Variants in FGF12 observed in about 807,000 individuals in gnomAD.
FGF12 encodes the protein fibroblast growth factor 12.
Under a neutral mutation model 23.6 loss-of-function variants are expected in FGF12, and 14 were observed. The observed-to-expected ratio is 0.59, with a 90% CI of 0.39 to 0.93. The LOEUF (loss-of-function observed/expected upper bound fraction) is 0.93, where lower values mean the gene tolerates loss of function less well. FGF12 is among the 40% of genes least tolerant of loss of function. The probability of loss-of-function intolerance (pLI) is 0.00; values close to 1 mark genes in which losing one functional copy is unlikely to be tolerated. For synonymous variants in FGF12, 62 were observed against 77.3 expected, an observed-to-expected ratio of 0.80 and a Z score of 1.04; for missense variants, 175 against 217.8, an observed-to-expected ratio of 0.80 and a Z score of 1.24.
intron 4 of FGF12, among the ~76,000 whole-genome samples, chr3:192,277,537 T>C (rs1451425276): frequency 1.3e-5 from 2 of 152,200 alleles, no homozygotes; most frequent in African/African-American, 4.8e-5. Flanking sequence ...ATGAAGTTTT[T>C]GGTCCACAAG....
chr3:192,139,801 A>C lies in FGF12; in HGVS notation c.*4208T>G, dbSNP rs974554737. The C allele has an allele frequency of 2.6e-5, 4 of 152,070 alleles. No homozygotes were observed. Among genetic ancestry groups the C allele is most frequent in the Non-Finnish European group, 4.4e-5 (3 of 67,964 alleles). The allele number at this position is 152,070 out of a possible 1,614,324, so 9.4% of individuals were successfully genotyped here. On this transcript the variant is annotated 3_prime_UTR_variant, in exon 6 of 6. Coordinates refer to ENST00000445105, the MANE Select transcript of FGF12 (RefSeq NM_004113.6). The stretch of plus-strand genomic sequence containing the variant: ...TCACTTAACTTAGATTTAAGTATTG[A>C]ATTTTTAACTTGGGCTCCAGGAAAA...
At chr3:192,663,761 T>C (rs893261514) in intron 2 of FGF12, among the ~76,000 whole-genome samples, 5 of 151,894 alleles carry the variant, frequency 3.3e-5, no homozygotes, top group Admixed American at 6.6e-5. Flanking sequence ...GCAATCAATA[T>C]ATATTTTTGG....
In FGF12 at chr3:192,360,728, C is replaced by G; in HGVS notation, c.14-190G>C. ...TTTCCATTTAGAGGTAGAGCTTTAA[C>G]ACTTTTAGCAGTAAACTAAATGCAA... On this transcript the variant is annotated intron_variant, in intron 2 of 5. Transcript: ENST00000445105. The surrounding 1 kb of genome is among the most constrained non-coding windows in gnomAD (Gnocchi z 4.3). 2 of 584,078 alleles carry G rather than the reference C, an allele frequency of 3.4e-6. No individual in the cohort carries two copies. The highest frequency in any genetic ancestry group is 4.3e-5 in the South Asian group (2 of 46,442). 36.2% of individuals were successfully genotyped at this position (584,078 alleles called of 1,614,324 possible).
chr3:192,608,384 G>A (rs963129291), intron 2 of FGF12, among the ~76,000 whole-genome samples: 6 of 152,084 alleles, frequency 3.9e-5, no homozygotes, highest in Admixed American at 1.3e-4. Context: ...ATTATGCATT[G>A]CATGCCTGTA....
chr3:192,727,536 T>C lies in FGF12; in HGVS notation c.-183A>G, dbSNP rs1577144823. 1 of 478,448 alleles carries C rather than the reference T, an allele frequency of 2.1e-6. No homozygotes were observed. The highest frequency in any genetic ancestry group is 2.0e-5 in the African/African-American group (1 of 49,986). The allele number at this position is 478,448 out of a possible 1,614,324, so 29.6% of individuals were successfully genotyped here. ...TGTCCTCCGAGCGTGGTGCTGCAGG[T>C]GTAGTGACAGATCATCCCACTTTGC... On this transcript the variant is annotated 5_prime_UTR_variant, in exon 1 of 6. Coordinates refer to ENST00000445105, the MANE Select transcript of FGF12 (RefSeq NM_004113.6).
chr3:192,602,012 T>C (rs1714133971), intron 2 of FGF12, among the ~76,000 whole-genome samples: 1 of 152,146 alleles, frequency 6.6e-6, no homozygotes, highest in African/African-American at 2.4e-5. Context: ...TGTTAGTTAC[T>C]ATAAAGGTGG....
chr3:192,494,561 A>G (rs1723890867), intron 2 of FGF12, among the ~76,000 whole-genome samples: 1 of 152,150 alleles, frequency 6.6e-6, no homozygotes, highest in Non-Finnish European at 1.5e-5. Context: ...CCTGGTCATT[A>G]TCCCCTAGAT....
intron 2 of FGF12, among the ~76,000 whole-genome samples, chr3:192,429,602 C>T (rs1395482891): frequency 1.3e-5 from 2 of 152,052 alleles, no homozygotes; most frequent in African/African-American, 4.8e-5. Flanking sequence ...AAGTGTACTT[C>T]GTGATGGCTG....
At chr3:192,405,461 G>C (rs1311341102) in intron 2 of FGF12, among the ~76,000 whole-genome samples, 2 of 151,102 alleles carry the variant, frequency 1.3e-5, no homozygotes, top group Admixed American at 6.6e-5. Context: ...AGAAAGTCTG[G>C]TCAATGGAAC....
At chr3:192,206,092 AG>A (rs1371891544) in intron 4 of FGF12, among the ~76,000 whole-genome samples, 4 of 152,222 alleles carry the variant, frequency 2.6e-5, no homozygotes, top group Non-Finnish European at 5.9e-5. Flanking sequence ...CTGAAGCTTT[AG>A]CAGCAGACAG....
At chr3:192,480,792 A>C (rs938592929) in intron 2 of FGF12, among the ~76,000 whole-genome samples, 1 of 152,242 alleles carries the variant, frequency 6.6e-6, no homozygotes, top group Non-Finnish European at 1.5e-5. Flanking sequence ...TAAGAATAAA[A>C]TAACTCATTA....
chr3:192,293,425 T>C (rs1714868984), intron 4 of FGF12, among the ~76,000 whole-genome samples: 1 of 152,334 alleles, frequency 6.6e-6, no homozygotes, highest in Middle Eastern at 3.4e-3. Flanking sequence ...TTTTCTAAAA[T>C]AAAACTTAAC....
At chr3:192,368,190 A>T (rs2108740850) in intron 2 of FGF12, among the ~76,000 whole-genome samples, 1 of 152,276 alleles carries the variant, frequency 6.6e-6, no homozygotes, top group Non-Finnish European at 1.5e-5. Flanking sequence ...TTCAACTATG[A>T]CTGCTTTAAA....
rs1320681204 is a variant in FGF12, at chr3:192,167,761, ATATATATAAAATTTT to A, written c.427+2682_427+2696del. ...TATATATATATATATATATATATAT[ATATATATAAAATTTT>A]TTTTTTTTTTTTTTTTTGAGAAAGA... On this transcript the variant is annotated intron_variant, in intron 5 of 5. Transcript: ENST00000445105. Among the ~76,000 whole-genome samples, 17 of 33,466 alleles carry A rather than the reference ATATATATAAAATTTT, an allele frequency of 5.1e-4. 2 individuals are homozygous for A. Among genetic ancestry groups the A allele is most frequent in the Admixed American group, 2.9e-3 (8 of 2,764 alleles). The allele number at this position is 33,466 out of a possible 152,430, so 22.0% of individuals were successfully genotyped here.
intron 4 of FGF12, among the ~76,000 whole-genome samples, chr3:192,191,908 C>CAGAGT (rs1401281242): frequency 2.6e-5 from 4 of 151,630 alleles, no homozygotes; most frequent in African/African-American, 4.8e-5. Context: ...GAAAGATACA[C>CAGAGT]AGAGTAGGGG....
chr3:192,637,141 T>A (rs891785827), intron 2 of FGF12, among the ~76,000 whole-genome samples: 2 of 152,196 alleles, frequency 1.3e-5, no homozygotes, highest in African/African-American at 4.8e-5. Context: ...GATAAGGCAA[T>A]GGAAATCTTG....
chr3:192,365,116 C>T (rs2366655), intron 2 of FGF12, among the ~76,000 whole-genome samples: 21,495 of 151,972 alleles, frequency 0.14, 2,012 homozygotes, highest in East Asian at 0.43. Flanking sequence ...GTTCATCACA[C>T]AAAGAAGGGA....
At chr3:192,679,095 G>A (rs1229055202) in intron 2 of FGF12, among the ~76,000 whole-genome samples, 3 of 152,110 alleles carry the variant, frequency 2.0e-5, no homozygotes, top group African/African-American at 7.2e-5. Flanking sequence ...TATTTTAAGC[G>A]AAAAAGAAAT....
intron 4 of FGF12, among the ~76,000 whole-genome samples, chr3:192,171,696 A>G (rs376548395): frequency 6.6e-6 from 1 of 152,218 alleles, no homozygotes; most frequent in East Asian, 1.9e-4. Context: ...TATTCACCAC[A>G]GTCACCATCT....
Sources: allele counts gnomAD v4.1 joint callset (sites outside exome capture counted in the v4.1 genomes callset), GRCh38; gene constraint gnomAD v4.1.1; non-coding constraint Gnocchi (gnomAD v3.1); transcripts MANE v1.5; gene names NCBI Gene and HGNC (gene_info 2026-07-23, HGNC 2026-07-21).